BCAS4: variants seen among roughly 807,000 people sequenced by gnomAD.
BCAS4 encodes breast carcinoma-amplified sequence 4.
A neutral mutation model predicts 15.7 loss-of-function variants in BCAS4; 9 were observed. The ratio of observed to expected loss-of-function variants is 0.57; its 90% CI spans 0.34 to 1.00. The LOEUF (loss-of-function observed/expected upper bound fraction) is 1.00, where lower values mean the gene tolerates loss of function less well. BCAS4 is among the 50% of genes least tolerant of loss of function. The probability of loss-of-function intolerance (pLI) is 0.02; values close to 1 mark genes in which losing one functional copy is unlikely to be tolerated. For missense variants in BCAS4, 225 were observed against 239.1 expected (o/e 0.94, Z 0.39); for synonymous variants, 101 against 99.5 (o/e 1.02, Z -0.09).
At chr20:50,825,833 T>C (rs1298299031) in intron 2 of BCAS4, among the ~76,000 whole-genome samples, 1 of 152,094 alleles carries the variant, frequency 6.6e-6, no homozygotes, top group Non-Finnish European at 1.5e-5. Context: ...GCAGAGATGG[T>C]GCCACTGTAC....
intron 1 of BCAS4, among the ~76,000 whole-genome samples, chr20:50,802,559 G>A (rs565632377): frequency 2.2e-4 from 33 of 152,312 alleles, no homozygotes; most frequent in African/African-American, 6.3e-4. Context: ...CAGCTTCAGC[G>A]TCACACAGAG....
At chr20:50,861,747 C>T (rs1444482599) in intron 4 of BCAS4, among the ~76,000 whole-genome samples, 1 of 152,104 alleles carries the variant, frequency 6.6e-6, no homozygotes, top group Admixed American at 6.6e-5. Flanking sequence ...TTCCCTCCCC[C>T]TATGTGGCTG....
At chr20:50,840,468 A>G (rs2088463823) in intron 3 of BCAS4, 1 of 968,418 alleles carries the variant, frequency 1.0e-6, no homozygotes, top group Non-Finnish European at 1.7e-6. Flanking sequence ...CTTCGTTGTC[A>G]GTAGTTCTTT....
At chr20:50,858,205 G>C (rs1159271431) in intron 4 of BCAS4, among the ~76,000 whole-genome samples, 1 of 152,196 alleles carries the variant, frequency 6.6e-6, no homozygotes, top group Non-Finnish European at 1.5e-5. Flanking sequence ...ATGGGTGCTT[G>C]AGTCTCTAAT....
intron 1 of BCAS4, among the ~76,000 whole-genome samples, chr20:50,815,300 G>C (rs372061329): frequency 6.6e-6 from 1 of 152,158 alleles, no homozygotes; most frequent in Non-Finnish European, 1.5e-5. Flanking sequence ...ATCCCACCCC[G>C]CTGGGGCATG....
intron 1 of BCAS4, among the ~76,000 whole-genome samples, chr20:50,815,629 A>T (rs924080267): frequency 4.6e-4 from 70 of 152,186 alleles, no homozygotes; most frequent in Non-Finnish European, 1.0e-4. Flanking sequence ...AGGCACAGAA[A>T]TAGTCCCAGC....
intron 3 of BCAS4, among the ~76,000 whole-genome samples, chr20:50,831,082 TGA>T (rs1325008422): frequency 2.0e-5 from 3 of 151,952 alleles, no homozygotes; most frequent in Non-Finnish European, 4.4e-5. Context: ...TGACCCAAAT[TGA>T]GAGAGAGAAC....
chr20:50,846,979 C>G (rs184067626), intron 4 of BCAS4, among the ~76,000 whole-genome samples: 2 of 152,028 alleles, frequency 1.3e-5, no homozygotes, highest in African/African-American at 4.8e-5. Flanking sequence ...GTCAGTGAGC[C>G]GGCACGGGCA....
At chr20:50,816,963 C>G (rs2088147009) in intron 1 of BCAS4, among the ~76,000 whole-genome samples, 2 of 151,888 alleles carry the variant, frequency 1.3e-5, no homozygotes, top group South Asian at 2.1e-4. Context: ...TGCCACCACA[C>G]CCGGCTAATT....
At chr20:50,821,796 C>T (rs2088219867) in intron 2 of BCAS4, among the ~76,000 whole-genome samples, 1 of 152,216 alleles carries the variant, frequency 6.6e-6, no homozygotes, top group East Asian at 1.9e-4. Context: ...TTCCATTAGC[C>T]TGTCTTGATC....
At chr20:50,824,083 C>T (rs992612759) in intron 2 of BCAS4, among the ~76,000 whole-genome samples, 2 of 152,148 alleles carry the variant, frequency 1.3e-5, no homozygotes, top group Admixed American at 6.5e-5. Flanking sequence ...TACCAAAGCA[C>T]CAGAGGGGCA....
Position 50,854,894 on chromosome 20 carries a change from C to T in BCAS4, c.399+12994C>T, listed in dbSNP as rs183123175. ...TGCGCTGATGTCGGCCACCATGGAT[C>T]TCGCCTGCAGGAATTGAATGGAGTG... On this transcript the variant is annotated intron_variant, in intron 4 of 4. Transcript: ENST00000371608. Among the ~76,000 whole-genome samples, 962 of 152,352 alleles carry T rather than the reference C, an allele frequency of 6.3e-3. 4 individuals are homozygous for T. Among genetic ancestry groups the T allele is most frequent in the Non-Finnish European group, 0.011 (731 of 68,032 alleles).
intron 1 of BCAS4, among the ~76,000 whole-genome samples, chr20:50,795,606 C>A (rs1041016032): frequency 1.3e-5 from 2 of 151,964 alleles, no homozygotes; most frequent in African/African-American, 4.9e-5. Context: ...TCTGTCTGCG[C>A]TTTCTATTTT....
chr20:50,828,035 ATTT>A (rs910098007), intron 2 of BCAS4, among the ~76,000 whole-genome samples: 1 of 144,784 alleles, frequency 6.9e-6, no homozygotes, highest in African/African-American at 2.5e-5. Context: ...GCCTTCAAAA[ATTT>A]TTTTTTTTTT....
At position 50,876,839 on chromosome 20, in the gene BCAS4, C is replaced by T. The variant is rs925260006; in HGVS notation, c.*231C>T. 7.7e-5 allele frequency: 29 copies of T among 377,856 alleles called. No individual in the cohort carries two copies. Among genetic ancestry groups the T allele is most frequent in the Admixed American group, 3.6e-4 (8 of 21,962 alleles). 23.4% of individuals were successfully genotyped at this position (377,856 alleles called of 1,614,324 possible). The stretch of plus-strand genomic sequence containing the variant: ...GATTATGGGCAGGAGCCTCCGTGCC[C>T]AGGCTGCTGCCATTTTCAAATTTCC... On this transcript the variant is annotated 3_prime_UTR_variant, in exon 5 of 5. Transcript: ENST00000371608.
intron 2 of BCAS4, among the ~76,000 whole-genome samples, chr20:50,820,169 T>C (rs531466181): frequency 6.6e-6 from 1 of 152,302 alleles, no homozygotes; most frequent in Admixed American, 6.5e-5. Context: ...TTCTCATGAA[T>C]GGGCCCCGTC....
At chr20:50,835,039 C>T (rs2088390536) in intron 3 of BCAS4, among the ~76,000 whole-genome samples, 1 of 152,128 alleles carries the variant, frequency 6.6e-6, no homozygotes, top group South Asian at 2.1e-4. Flanking sequence ...TTTTGTGTAA[C>T]ATATGTTTTC....
intron 2 of BCAS4, among the ~76,000 whole-genome samples, chr20:50,828,324 G>A (rs759222370): frequency 2.7e-4 from 41 of 152,020 alleles, no homozygotes; most frequent in Non-Finnish European, 2.9e-5. Context: ...GGTTTTAGAC[G>A]TACAGGGCAA....
At chr20:50,879,067 C>G (rs895102304), downstream of BCAS4, 1 of 152,172 alleles carries the variant, frequency 6.6e-6, no homozygotes, top group Non-Finnish European at 1.5e-5. Context: ...TCTCTTGTCT[C>G]TGGCCTCACC....
Sources: allele counts gnomAD v4.1 joint callset (sites outside exome capture counted in the v4.1 genomes callset), GRCh38; gene constraint gnomAD v4.1.1; transcripts MANE v1.5; gene names NCBI Gene and HGNC (gene_info 2026-07-23, HGNC 2026-07-21).